APOB: variants seen among roughly 807,000 people sequenced by gnomAD.
The protein encoded by APOB is apolipoprotein B-100.
In APOB, 153 loss-of-function variants were observed where a neutral mutation model predicts 314.1. The ratio of observed to expected loss-of-function variants is 0.49; its 90% CI spans 0.43 to 0.56. APOB has a LOEUF of 0.56. Ranked by LOEUF, APOB falls within the 20% of genes least tolerant of loss-of-function variation. The probability of loss-of-function intolerance (pLI) is 0.00; values close to 1 mark genes in which losing one functional copy is unlikely to be tolerated. For missense variants in APOB, 5,430 were observed against 5,350.7 expected, an observed-to-expected ratio of 1.01 and a Z score of -0.46; for synonymous variants, 2,087 against 2,036.4, an observed-to-expected ratio of 1.02 and a Z score of -0.67.
At chr2:21,028,572 C>A in intron 12 of APOB, 34 bp from the exon 13 acceptor site, 1 of 1,481,606 alleles carries the variant, frequency 6.7e-7, no homozygotes, top group Non-Finnish European at 9.4e-7. Flanking sequence ...TATCACTGTC[C>A]TGTGGTCAGA....
rs1305948159 is a variant in APOB, at chr2:21,005,254, G to A, written c.11614C>T (p.Pro3872Ser). Residue 3872 changes from proline (P) to serine (S), a missense_variant, in exon 26 of 29, where the codon CCT becomes TCT. Coordinates refer to ENST00000233242, the MANE Select transcript of APOB (RefSeq NM_000384.3). ...IEIPSIKFSV[P>S]AGIVIPSFQA... Reference sequence around the variant, plus strand: ...AAGGAAGGAATGACAATTCCAGCAGGTACAGAGAACTTAATGGAGGGAATC... The same window carrying A: ...AAGGAAGGAATGACAATTCCAGCAGATACAGAGAACTTAATGGAGGGAATC... The A allele has an allele frequency of 3.1e-6, 5 of 1,614,066 alleles. No homozygotes were observed. The highest frequency in any genetic ancestry group is 1.7e-5 in the Admixed American group (1 of 60,008).
chr2:21,024,705 T>C, intron 16 of APOB: 1 of 684,208 alleles, frequency 1.5e-6, no homozygotes, highest in Non-Finnish European at 2.7e-6. Context: ...AATAAATTAA[T>C]GCTCTTAAAA....
chr2:21,018,331 T>G (rs1663525046), intron 20 of APOB, among the ~76,000 whole-genome samples: 1 of 152,196 alleles, frequency 6.6e-6, no homozygotes, highest in South Asian at 2.1e-4. Flanking sequence ...GACTCCCCAA[T>G]GGCTTTCGTT....
rs1663094540 is a variant in APOB at position 21,005,238 on chromosome 2, A to C, written c.11630T>G (p.Ile3877Ser). Residue 3877 changes from isoleucine to serine, a missense_variant, in exon 26 of 29, where the codon ATT (isoleucine) becomes AGT (serine). Transcript: ENST00000233242. ...IKFSVPAGIV[I>S]PSFQALTARF... Reference sequence around the variant, plus strand: ...TGCAGTCAGTGCTTGAAAGGAAGGAATGACAATTCCAGCAGGTACAGAGAA... The same window carrying C: ...TGCAGTCAGTGCTTGAAAGGAAGGACTGACAATTCCAGCAGGTACAGAGAA... 1 of 1,614,084 alleles carries C rather than the reference A, an allele frequency of 6.2e-7. No homozygotes were observed. The highest frequency in any genetic ancestry group is 8.5e-7 in the Non-Finnish European group (1 of 1,179,968).
At chr2:21,015,028 A>G (rs2103362464) in intron 23 of APOB, 45 bp downstream of exon 23, 1 of 1,547,682 alleles carries the variant, frequency 6.5e-7, no homozygotes, top group Non-Finnish European at 8.9e-7. Context: ...GGATGTAATT[A>G]GCACTTATAT....
At chr2:21,037,355 G>A in intron 5 of APOB, 100 bp from the exon 6 acceptor site, 1 of 1,285,356 alleles carries the variant, frequency 7.8e-7, no homozygotes, top group South Asian at 1.3e-5. Flanking sequence ...AAAGCAGAAG[G>A]AATCTAGCTT....
Position 21,015,212 on chromosome 2 carries a change from G to T in APOB, c.3557C>A (p.Thr1186Asn). The T allele has an allele frequency of 6.2e-7, 1 of 1,614,128 alleles. No homozygotes were observed. The highest frequency in any genetic ancestry group is 8.5e-7 in the Non-Finnish European group (1 of 1,180,002). ...AGGGAAATTGGAAGTCATTTTTTTG[G>T]TATCTACATTGGTGCCTGTGTTCCA... ...FEWNTGTNVD[T>N]KKMTSNFPVD... Residue 1186 changes from threonine to asparagine, a missense_variant, in exon 23 of 29, where the codon ACC (threonine) becomes AAC (asparagine). Physicochemically the swap from Thr to Asn is moderately conservative, Grantham distance 65. Around this residue, in one of 3 missense-constraint regions of APOB, gnomAD observed 2,085 missense variants for 2,079.7 expected, o/e 1.00. Coordinates refer to ENST00000233242, the MANE Select transcript of APOB (RefSeq NM_000384.3).
In APOB at chr2:21,019,061, C is replaced by T. The variant is rs149357946; in HGVS notation, c.3052G>A (p.Ala1018Thr). The change falls in exon 20 of 29, where the codon GCA (alanine) becomes ACA (threonine). Residue 1018 changes from alanine to threonine, a missense_variant. Physicochemically the swap from Ala to Thr is moderately conservative, Grantham distance 58. Transcript: ENST00000233242. ...TCCTCTCTCTGGAGCTCATAGGTTG[C>T]GCTGACAGAATACTGCTCAATCTCT... ...TGEIEQYSVSATYELQREDRA... is the reference protein window; with the variant it reads ...TGEIEQYSVSTTYELQREDRA... The T allele has an allele frequency of 2.5e-5, 40 of 1,613,954 alleles. No individual in the cohort carries two copies. The highest frequency in any genetic ancestry group is 3.3e-4 in the Middle Eastern group (2 of 6,062).
In APOB at chr2:21,011,702, G is replaced by A. The variant is rs749960089; in HGVS notation, c.5166C>T (p.Asp1722=). ...SAYQAMILGV[D]SKNIFNFKVS... ...CCTTGAAGTTGAAAATGTTTTTGCT[G>A]TCGACACCCAGAATCATGGCCTGAT... Residue 1722 remains aspartate (D), a synonymous_variant, in exon 26 of 29, where the codon GAC becomes GAT. Transcript: ENST00000233242. 5.6e-6 allele frequency: 9 copies of A among 1,614,042 alleles called. No individual in the cohort carries two copies. The highest frequency in any genetic ancestry group is 7.6e-6 in the Non-Finnish European group (9 of 1,180,044).
At position 21,001,781 on chromosome 2, in the gene APOB, G is replaced by T; in HGVS notation, c.13641C>A (p.Val4547=). ...GAGCAAGCTTCATGTAGGGGTTCATGACTGTGGTTGATTGCAGCTTTTTCA... is the reference window on the plus strand; with the variant it reads ...GAGCAAGCTTCATGTAGGGGTTCATTACTGTGGTTGATTGCAGCTTTTTCA... ...ELLKKLQSTT[V]MNPYMKLAPG... The change falls in exon 29 of 29, where the codon GTC becomes GTA. Residue 4547 remains valine, a synonymous_variant. Transcript: ENST00000233242. 1 of 1,614,002 alleles carries T rather than the reference G, an allele frequency of 6.2e-7. No homozygotes were observed. Among genetic ancestry groups the T allele is most frequent in the Non-Finnish European group, 8.5e-7 (1 of 1,179,934 alleles).
At chr2:21,013,073 C>A in intron 25 of APOB, 87 bp downstream of exon 25, 1 of 1,558,014 alleles carries the variant, frequency 6.4e-7, no homozygotes, top group Admixed American at 1.7e-5. Context: ...GCTAGAAAGC[C>A]AAAGTCCTTT....
chr2:21,028,604 C>A, intron 12 of APOB, 66 bp from the exon 13 acceptor site: 2 of 1,096,366 alleles, frequency 1.8e-6, no homozygotes, highest in Admixed American at 3.4e-5. Context: ...GCCTGGCAAA[C>A]ACTGGCATTG....
chr2:21,038,927 T>G (rs1664070925), intron 4 of APOB, among the ~76,000 whole-genome samples: 1 of 152,236 alleles, frequency 6.6e-6, no homozygotes, highest in Admixed American at 6.5e-5. Flanking sequence ...TCTAACAGAT[T>G]TTTTTAAAAG....
rs199937544 is a variant in APOB, at chr2:21,033,509, T to G, written c.914A>C (p.Lys305Thr). ...GGTGCTCTCAAATGCGAGGCCCATC[T>G]TCTTAGTACCTGGAAGATGGAAAGT... ...NSRFFGEGTKKMGLAFESTKS... is the reference protein window; with the variant it reads ...NSRFFGEGTKTMGLAFESTKS... The change falls in exon 9 of 29, where the codon AAG becomes ACG. Residue 305 changes from lysine (K) to threonine (T), a missense_variant. Physicochemically the swap from Lys to Thr is moderately conservative, Grantham distance 78 (BLOSUM62 -1). Transcript: ENST00000233242. 1.2e-6 allele frequency: 2 copies of G among 1,613,856 alleles called. No homozygotes were observed. The highest frequency in any genetic ancestry group is 1.7e-6 in the Non-Finnish European group (2 of 1,179,834).
intron 16 of APOB, 91 bp from the exon 17 acceptor site, chr2:21,023,783 C>G: frequency 9.2e-7 from 1 of 1,090,000 alleles, no homozygotes; most frequent in Non-Finnish European, 1.3e-6. Flanking sequence ...GAGAGTAATT[C>G]CTCTTTATCT....
In APOB at chr2:21,006,696, C is replaced by G; in HGVS notation, c.10172G>C (p.Arg3391Thr). 1.9e-6 allele frequency: 3 copies of G among 1,614,082 alleles called. No homozygotes were observed. The highest frequency in any genetic ancestry group is 2.5e-6 in the Non-Finnish European group (3 of 1,179,972). The change falls in exon 26 of 29, where the codon AGG (arginine) becomes ACG (threonine). Residue 3391 changes from arginine to threonine, a missense_variant. By Grantham distance (71) the Arg-to-Thr change is moderately conservative. Coordinates refer to ENST00000233242, the MANE Select transcript of APOB (RefSeq NM_000384.3). The part of the protein sequence containing the change: ...LEGTTRLTRK[R>T]GLKLATALSL... ...CAGAGCTGTGGCTAACTTCAATCCC[C>G]TTTTTCTTGTCAATCTTGTGGTGCC...
chr2:21,024,754 T>C, intron 16 of APOB, 179 bp downstream of exon 16: 1 of 733,598 alleles, frequency 1.4e-6, no homozygotes, highest in Non-Finnish European at 2.5e-6. Context: ...TTCTAAATGT[T>C]AACATTTCCA....
intron 5 of APOB, among the ~76,000 whole-genome samples, chr2:21,037,728 T>TA (rs1664041680): frequency 6.6e-6 from 1 of 152,152 alleles, no homozygotes; most frequent in Non-Finnish European, 1.5e-5. Context: ...GACTCCTCAA[T>TA]GACTGTTTTA....
rs761528809 is a variant in APOB, at chr2:21,004,427, T to C, written c.11929A>G (p.Asn3977Asp). 2 of 1,613,982 alleles carry C rather than the reference T, an allele frequency of 1.2e-6. No individual in the cohort carries two copies. Among genetic ancestry groups the C allele is most frequent in the Non-Finnish European group, 8.5e-7 (1 of 1,179,910 alleles). ...TCGGTGAACGCTGGGCTTTTGATAT[T>C]GAGGTGCGCTTTTCCTTCCCATTCC... ...LQEWEGKAHL[N>D]IKSPAFTDLH... The change falls in exon 28 of 29, where the codon AAT (asparagine) becomes GAT (aspartate). Residue 3977 changes from asparagine (N) to aspartate (D), a missense_variant. This residue lies in a region of APOB where 3,281 missense variants were observed against 3,171.0 expected (regional missense o/e 1.03). Coordinates refer to ENST00000233242, the MANE Select transcript of APOB (RefSeq NM_000384.3).
Sources: gnomAD v4.1 joint callset for allele counts (sites outside exome capture counted in the v4.1 genomes callset) on GRCh38, gnomAD v4.1.1 for gene constraint, gnomAD v4.1.1 regional missense constraint, MANE v1.5 for transcripts, NCBI Gene and HGNC (gene_info 2026-07-23, HGNC 2026-07-21) for gene names.